CPAMD8: variants seen among roughly 807,000 people sequenced by gnomAD.
The protein encoded by CPAMD8 is C3 and PZP like alpha-2-macroglobulin domain containing 8.
Under a neutral mutation model 224.7 loss-of-function variants are expected in CPAMD8, and 146 were observed. The observed-to-expected ratio is 0.65, with a 90% CI of 0.57 to 0.75. CPAMD8 has a LOEUF of 0.75. CPAMD8 is among the 30% of genes least tolerant of loss of function. The pLI is 0.00. For missense variants in CPAMD8, 2,301 were observed against 2,537.5 expected, an observed-to-expected ratio of 0.91 and a Z score of 2.00; for synonymous variants, 966 against 1,044.6, an observed-to-expected ratio of 0.92 and a Z score of 1.45.
chr19:16,971,968 AC>A (rs1332914386), intron 17 of CPAMD8, among the ~76,000 whole-genome samples: 2 of 152,052 alleles, frequency 1.3e-5, no homozygotes, highest in African/African-American at 4.8e-5. Context: ...AATCACTGGA[AC>A]CCAGGAGGCG....
intron 12 of CPAMD8, among the ~76,000 whole-genome samples, chr19:16,991,122 C>G (rs1219865049): frequency 6.6e-6 from 1 of 151,976 alleles, no homozygotes; most frequent in Non-Finnish European, 1.5e-5. Context: ...ACTTTGGACA[C>G]CAAAGCTCAG....
intron 20 of CPAMD8, among the ~76,000 whole-genome samples, 198 bp from the exon 21 acceptor site, chr19:16,947,425 C>A (rs1240650647): frequency 6.6e-6 from 1 of 152,182 alleles, no homozygotes; most frequent in African/African-American, 2.4e-5. Context: ...CCCCACTTGG[C>A]CTTCTCATGC....
intron 1 of CPAMD8, 82 bp downstream of exon 1, chr19:17,026,469 G>A (rs2057084178): frequency 7.4e-7 from 1 of 1,356,682 alleles, no homozygotes; most frequent in Non-Finnish European, 9.5e-7. Context: ...CCTTGGGCAG[G>A]TCGCTGCAAC....
At chr19:16,950,374 C>T (rs2054260061) in intron 20 of CPAMD8, among the ~76,000 whole-genome samples, 1 of 152,100 alleles carries the variant, frequency 6.6e-6, no homozygotes, top group Non-Finnish European at 1.5e-5. Context: ...GTACATGCCC[C>T]ACCAAAACTG....
intron 36 of CPAMD8, among the ~76,000 whole-genome samples, chr19:16,900,174 A>C (rs2052195925): frequency 6.6e-6 from 1 of 151,874 alleles, no homozygotes. Context: ...GGGACATGGC[A>C]CTGGTCTGTC....
chr19:16,926,222 T>C (rs2053353555), intron 25 of CPAMD8, among the ~76,000 whole-genome samples: 2 of 152,164 alleles, frequency 1.3e-5, no homozygotes, highest in South Asian at 2.1e-4. Flanking sequence ...TCCGTATTCC[T>C]CTTCTTGGCT....
At chr19:16,913,784 C>T (rs1380751260) in intron 29 of CPAMD8, among the ~76,000 whole-genome samples, 1 of 152,068 alleles carries the variant, frequency 6.6e-6, no homozygotes, top group Non-Finnish European at 1.5e-5. Flanking sequence ...GATTGTGAGA[C>T]CAAGAATCCT....
intron 13 of CPAMD8, among the ~76,000 whole-genome samples, chr19:16,987,737 A>G (rs1288666033): frequency 6.6e-6 from 1 of 151,994 alleles, no homozygotes; most frequent in Non-Finnish European, 1.5e-5. Flanking sequence ...TGCGGTCCCA[A>G]TCTCCCGGGC....
chr19:16,997,036 G>A, intron 11 of CPAMD8, 75 bp downstream of exon 11: 2 of 914,296 alleles, frequency 2.2e-6, no homozygotes, highest in South Asian at 1.4e-5. Context: ...AGTCACCACT[G>A]CAGAGCTAGT....
At chr19:16,969,877 A>T (rs1223835397) in intron 18 of CPAMD8, among the ~76,000 whole-genome samples, 1 of 150,176 alleles carries the variant, frequency 6.7e-6, no homozygotes, top group Non-Finnish European at 1.5e-5. Flanking sequence ...CCATCTCAAA[A>T]AAAAAAAAAA....
intron 1 of CPAMD8, among the ~76,000 whole-genome samples, chr19:17,023,191 C>T (rs1316726366): frequency 6.6e-6 from 1 of 152,132 alleles, no homozygotes. Context: ...TATGAAGTCA[C>T]CTCTGGAAGG....
chr19:17,017,177 T>C (rs1027680531), intron 3 of CPAMD8, among the ~76,000 whole-genome samples: 2 of 152,144 alleles, frequency 1.3e-5, no homozygotes, highest in Admixed American at 1.3e-4. Context: ...GGGGTCTAGA[T>C]TGCATGCTCT....
At chr19:16,999,152 T>C (rs750102110) in intron 10 of CPAMD8, among the ~76,000 whole-genome samples, 3 of 152,002 alleles carry the variant, frequency 2.0e-5, no homozygotes, top group African/African-American at 4.8e-5. Context: ...AGAAAACAGA[T>C]AGTAGTTGCC....
At chr19:16,998,916 C>T (rs903079420) in intron 10 of CPAMD8, among the ~76,000 whole-genome samples, 2 of 152,048 alleles carry the variant, frequency 1.3e-5, no homozygotes, top group African/African-American at 4.8e-5. Flanking sequence ...AGCCAAAAAG[C>T]AGAAACAACC....
intron 8 of CPAMD8, among the ~76,000 whole-genome samples, chr19:17,003,041 T>C (rs1380064916): frequency 6.6e-6 from 1 of 152,028 alleles, no homozygotes; most frequent in African/African-American, 2.4e-5. Flanking sequence ...TAGCTGGGAC[T>C]GCAGGCACAT....
At chr19:17,020,488 C>A in intron 2 of CPAMD8, 135 bp from the exon 3 acceptor site, 1 of 670,554 alleles carries the variant, frequency 1.5e-6, no homozygotes, top group Admixed American at 2.3e-5. Flanking sequence ...CTGGGTCATG[C>A]TGGCCTGGAC....
intron 23 of CPAMD8, among the ~76,000 whole-genome samples, chr19:16,936,225 G>T (rs150149623): frequency 6.6e-6 from 1 of 152,120 alleles, no homozygotes. Context: ...ACTGCGCCCA[G>T]CTCTATTTTT....
intron 3 of CPAMD8, among the ~76,000 whole-genome samples, chr19:17,018,757 A>ACACACAC (rs1353592195): frequency 1.6e-5 from 2 of 127,374 alleles, no homozygotes; most frequent in African/African-American, 8.4e-5. Context: ...CACACACACA[A>ACACACAC]AATTAGCCAG....
chr19:16,949,234 T>A (rs2054224103), intron 20 of CPAMD8, among the ~76,000 whole-genome samples: 1 of 151,946 alleles, frequency 6.6e-6, no homozygotes, highest in Non-Finnish European at 1.5e-5. Flanking sequence ...CTTAAGCACA[T>A]ACACTGCCCA....
Sources: gnomAD v4.1 joint callset for allele counts (sites outside exome capture counted in the v4.1 genomes callset) on GRCh38, gnomAD v4.1.1 for gene constraint, MANE v1.5 for transcripts, NCBI Gene and HGNC (gene_info 2026-07-23, HGNC 2026-07-21) for gene names.